The following KCNH7 variants were observed in gnomAD, a reference collection of about 807,000 sequenced individuals.
KCNH7 encodes potassium voltage-gated channel subfamily H member 7, also known as voltage-gated inwardly rectifying potassium channel KCNH7.
A neutral mutation model predicts 120.8 loss-of-function variants in KCNH7; 49 were observed. That is an observed-to-expected ratio of 0.41 (90% CI 0.32 to 0.51). The LOEUF is 0.51. Among genes scored for constraint, KCNH7 ranks in the 20% least tolerant of loss-of-function variants. KCNH7 has a pLI of 0.38. For missense variants in KCNH7, 1,097 were observed against 1,446.6 expected, an observed-to-expected ratio of 0.76 and a Z score of 3.92; for synonymous variants, 547 against 516.1, an observed-to-expected ratio of 1.06 and a Z score of -0.81.
In KCNH7 at chr2:162,527,103, G is replaced by C. The variant is rs184849611; in HGVS notation, c.464-8945C>G. On this transcript the variant is annotated intron_variant, in intron 3 of 15. Transcript: ENST00000332142. ...TTTTCTTGATCTTAGAAATAGATAC[G>C]ATGTTCAAATCCTGGGGGGTGGGAG... is the stretch of plus-strand genomic sequence containing the variant. Among the ~76,000 whole-genome samples the C allele has an allele frequency of 3.1e-4, 47 of 151,978 alleles. 1 individual carries two copies. The highest frequency in any genetic ancestry group is 1.1e-3 in the African/African-American group (45 of 41,516).
chr2:162,631,208 C>A (rs1312257570), intron 2 of KCNH7, among the ~76,000 whole-genome samples: 2 of 152,094 alleles, frequency 1.3e-5, no homozygotes, highest in East Asian at 3.9e-4. Flanking sequence ...TAACAGGGTT[C>A]TGCTGCACTT....
At chr2:162,720,001 TG>T (rs1176379258) in intron 2 of KCNH7, among the ~76,000 whole-genome samples, 1 of 152,072 alleles carries the variant, frequency 6.6e-6, no homozygotes, top group Non-Finnish European at 1.5e-5. Context: ...CTGTTATTTT[TG>T]CAAGTATTGA....
intron 11 of KCNH7, among the ~76,000 whole-genome samples, chr2:162,395,881 GT>G (rs762787365): frequency 2.0e-5 from 3 of 151,558 alleles, no homozygotes; most frequent in African/African-American, 7.2e-5. Context: ...TGACTTTAGG[GT>G]TTTTTTCCCC....
intron 6 of KCNH7, among the ~76,000 whole-genome samples, chr2:162,477,729 T>C (rs1282564396): frequency 6.6e-6 from 1 of 152,170 alleles, no homozygotes; most frequent in African/African-American, 2.4e-5. Flanking sequence ...ATAATTGATT[T>C]AGGAGGGGAT....
intron 2 of KCNH7, among the ~76,000 whole-genome samples, chr2:162,577,661 T>G (rs551205079): frequency 2.3e-4 from 35 of 152,140 alleles, no homozygotes; most frequent in African/African-American, 8.4e-4. Flanking sequence ...TACAACCTGT[T>G]CCTTTCCTCA....
Position 162,447,606 on chromosome 2 carries a change from C to T in KCNH7, c.1129-1163G>A, listed in dbSNP as rs1217245286. On this transcript the variant is annotated intron_variant, in intron 6 of 15. Coordinates refer to ENST00000332142, the MANE Select transcript of KCNH7 (RefSeq NM_033272.4). ...TCCATAGACTAGATTGTTCTAAACA[C>T]AATTAATACATCATCAGCTTTGCAG... 2.6e-5 allele frequency among the ~76,000 whole-genome samples: 4 copies of T among 152,076 alleles called. No homozygotes were observed. In the South Asian group the frequency reaches 6.2e-4, roughly 24 times the overall value.
intron 8 of KCNH7, among the ~76,000 whole-genome samples, chr2:162,428,386 T>C (rs1573945465): frequency 1.3e-5 from 2 of 151,990 alleles, no homozygotes; most frequent in East Asian, 1.9e-4. Flanking sequence ...GGTTTCTCTA[T>C]GGTCAGATAA....
At chr2:162,629,272 G>C (rs970704384) in intron 2 of KCNH7, among the ~76,000 whole-genome samples, 1 of 152,050 alleles carries the variant, frequency 6.6e-6, no homozygotes, top group Non-Finnish European at 1.5e-5. Flanking sequence ...TTGAAACTCA[G>C]AGAATTGCGT....
chr2:162,710,334 G>T (rs1686882022), intron 2 of KCNH7, among the ~76,000 whole-genome samples: 1 of 152,138 alleles, frequency 6.6e-6, no homozygotes, highest in African/African-American at 2.4e-5. Flanking sequence ...AATAAAATTA[G>T]ATAAGCTTAT....
At chr2:162,566,394 C>A (rs772232283) in intron 2 of KCNH7, among the ~76,000 whole-genome samples, 6 of 152,018 alleles carry the variant, frequency 3.9e-5, no homozygotes, top group Non-Finnish European at 8.8e-5. Context: ...CCATGTACAG[C>A]TCATTTATTT....
intron 2 of KCNH7, among the ~76,000 whole-genome samples, chr2:162,563,788 G>A (rs796234334): frequency 1.9e-4 from 29 of 152,168 alleles, no homozygotes; most frequent in African/African-American, 7.0e-4. Context: ...GGTATAGACA[G>A]CATCTAAATC....
chr2:162,463,592 A>C (rs887271887), intron 6 of KCNH7, among the ~76,000 whole-genome samples: 11 of 151,986 alleles, frequency 7.2e-5, no homozygotes, highest in Admixed American at 4.6e-4. Flanking sequence ...TTTTTTCACC[A>C]GATGGCTAAA....
intron 2 of KCNH7, among the ~76,000 whole-genome samples, chr2:162,700,038 C>T (rs1035901575): frequency 6.6e-6 from 1 of 152,062 alleles, no homozygotes; most frequent in African/African-American, 2.4e-5. Flanking sequence ...AAGTTGGCAT[C>T]GACCTCTGTA....
intron 2 of KCNH7, among the ~76,000 whole-genome samples, chr2:162,668,736 A>T (rs1376813081): frequency 6.6e-6 from 1 of 152,182 alleles, no homozygotes; most frequent in Admixed American, 6.5e-5. Flanking sequence ...TAGGAAAAAA[A>T]GGATGGAATC....
At chr2:162,701,889 C>G (rs1231202876) in intron 2 of KCNH7, among the ~76,000 whole-genome samples, 1 of 151,942 alleles carries the variant, frequency 6.6e-6, no homozygotes, top group East Asian at 1.9e-4. Context: ...TGCCTGTAGT[C>G]CCAGCTACTT....
At chr2:162,394,303 T>C in intron 12 of KCNH7, 86 bp downstream of exon 12, 1 of 810,948 alleles carries the variant, frequency 1.2e-6, no homozygotes. Context: ...AATATACTCT[T>C]GAAGTCAGAA....
Position 162,701,757 on chromosome 2 carries a change from C to T in KCNH7, c.307+134780G>A, listed in dbSNP as rs139219098. 6.5e-3 allele frequency among the ~76,000 whole-genome samples: 991 copies of T among 152,244 alleles called. 12 individuals carry two copies. The highest frequency in any genetic ancestry group is 0.022 in the African/African-American group (905 of 41,534). On this transcript the variant is annotated intron_variant, in intron 2 of 15. Coordinates refer to ENST00000332142, the MANE Select transcript of KCNH7 (RefSeq NM_033272.4). ...GGCACAGTGGCTCACGCCTGTCATC[C>T]CAGCACTTCGGGAGGCCAAGGTGGG...
intron 5 of KCNH7, among the ~76,000 whole-genome samples, chr2:162,506,471 T>C (rs1690886233): frequency 6.6e-6 from 1 of 151,982 alleles, no homozygotes; most frequent in South Asian, 2.1e-4. Context: ...ATTTCTTAGA[T>C]ATTGTCTTTT....
chr2:162,745,309 C>G (rs1688278079), intron 2 of KCNH7, among the ~76,000 whole-genome samples: 2 of 152,094 alleles, frequency 1.3e-5, no homozygotes, highest in South Asian at 4.1e-4. Context: ...GCTCACTTAC[C>G]TCTACTCGTT....
Sources: gnomAD v4.1 joint callset for allele counts (sites outside exome capture counted in the v4.1 genomes callset) on GRCh38, gnomAD v4.1.1 for gene constraint, MANE v1.5 for transcripts, NCBI Gene and HGNC (gene_info 2026-07-23, HGNC 2026-07-21) for gene names.